Variants in PLCL1 observed in about 807,000 individuals in gnomAD.
The protein encoded by PLCL1 is inactive phospholipase C-like protein 1.
Under a neutral mutation model 84.4 loss-of-function variants are expected in PLCL1, and 41 were observed. The ratio of observed to expected loss-of-function variants is 0.49; its 90% CI spans 0.38 to 0.63. PLCL1 has a LOEUF of 0.63. Ranked by LOEUF, PLCL1 falls within the 30% of genes least tolerant of loss-of-function variation. The probability of loss-of-function intolerance (pLI) is 0.00; values close to 1 mark genes in which losing one functional copy is unlikely to be tolerated. For missense variants in PLCL1, 1,206 were observed against 1,367.8 expected (o/e 0.88, Z 1.87); for synonymous variants, 490 against 488.3 (o/e 1.00, Z -0.05).
At chr2:197,883,847 A>T (rs1372772613) in intron 1 of PLCL1, among the ~76,000 whole-genome samples, 1 of 152,178 alleles carries the variant, frequency 6.6e-6, no homozygotes, top group Non-Finnish European at 1.5e-5. Context: ...TCATGTGCAG[A>T]ACTTGTCCTA....
intron 1 of PLCL1, among the ~76,000 whole-genome samples, chr2:198,042,338 G>A (rs1459325516): frequency 2.0e-5 from 3 of 152,156 alleles, no homozygotes; most frequent in East Asian, 3.9e-4. Context: ...ATGTAAAACA[G>A]TATAAATTAT....
At chr2:197,925,328 C>T (rs1365054249) in intron 1 of PLCL1, among the ~76,000 whole-genome samples, 1 of 152,072 alleles carries the variant, frequency 6.6e-6, no homozygotes, top group Non-Finnish European at 1.5e-5. Flanking sequence ...AATCAGTTAG[C>T]TTGAATTTTG....
intron 1 of PLCL1, among the ~76,000 whole-genome samples, chr2:197,937,341 A>C (rs768466234): frequency 6.6e-6 from 1 of 152,192 alleles, no homozygotes; most frequent in Non-Finnish European, 1.5e-5. Context: ...TGGGGATTGC[A>C]TTGAATCTGT....
chr2:197,903,991 C>G (rs1480472300), intron 1 of PLCL1, among the ~76,000 whole-genome samples: 1 of 151,132 alleles, frequency 6.6e-6, no homozygotes, highest in Non-Finnish European at 1.5e-5. Context: ...TTAGTAGAGA[C>G]GGTGTTTCAC....
chr2:197,974,394 G>T (rs1386616824), intron 1 of PLCL1, among the ~76,000 whole-genome samples: 2 of 152,170 alleles, frequency 1.3e-5, no homozygotes, highest in Non-Finnish European at 2.9e-5. Flanking sequence ...TTGAGCATGT[G>T]CTACTTTCAG....
intron 1 of PLCL1, among the ~76,000 whole-genome samples, chr2:197,925,256 G>A (rs1384646860): frequency 6.6e-6 from 1 of 152,038 alleles, no homozygotes; most frequent in Non-Finnish European, 1.5e-5. Context: ...GAGTTGTGAG[G>A]GATTTGTTTA....
chr2:197,923,039 GCCC>G (rs1688744413), intron 1 of PLCL1, among the ~76,000 whole-genome samples: 1 of 112,952 alleles, frequency 8.9e-6, no homozygotes, highest in Non-Finnish European at 1.9e-5. Flanking sequence ...GGGCAGAGGC[GCCC>G]CTCACCTCCC....
chr2:198,141,143 A>G (rs1694376307), intron 5 of PLCL1, among the ~76,000 whole-genome samples: 1 of 152,300 alleles, frequency 6.6e-6, no homozygotes, highest in Admixed American at 6.5e-5. Flanking sequence ...ACGACTATTC[A>G]TCCATATTTC....
intron 1 of PLCL1, among the ~76,000 whole-genome samples, chr2:197,981,088 T>A (rs1179873971): frequency 6.6e-6 from 1 of 152,234 alleles, no homozygotes; most frequent in Non-Finnish European, 1.5e-5. Context: ...TACAGACTTT[T>A]CTTAATCACT....
chr2:197,805,242 G>C lies in PLCL1; in HGVS notation c.143G>C (p.Gly48Ala), dbSNP rs947752339. 1 of 1,269,462 alleles carries C rather than the reference G, an allele frequency of 7.9e-7. No homozygotes were observed. The highest frequency in any genetic ancestry group is 9.9e-7 in the Non-Finnish European group (1 of 1,009,370). 78.6% of individuals were successfully genotyped at this position (1,269,462 alleles called of 1,614,324 possible). A position where few individuals can be genotyped will look rare whatever the true frequency, so the allele number is the denominator to read the frequency against. ...SGGRMRDRRS[G>A]VALPGAAGTP... ...GGCCGGATGAGGGACCGTCGCAGCGGGGTCGCACTGCCAGGCGCCGCGGGG... is the reference window on the plus strand; with the variant it reads ...GGCCGGATGAGGGACCGTCGCAGCGCGGTCGCACTGCCAGGCGCCGCGGGG... The change falls in exon 1 of 6, where the codon GGG becomes GCG. Residue 48 changes from glycine to alanine, a missense_variant. By Grantham distance (60) the Gly-to-Ala change is moderately conservative (BLOSUM62 0). Transcript: ENST00000428675. This position sits in a 1 kb window ranked among gnomAD's most constrained non-coding sequence, Gnocchi z 4.0.
chr2:197,948,125 T>C (rs1689317598), intron 1 of PLCL1, among the ~76,000 whole-genome samples: 1 of 152,052 alleles, frequency 6.6e-6, no homozygotes, highest in Non-Finnish European at 1.5e-5. Context: ...AGAAACAGGA[T>C]GGTAGATGGG....
chr2:197,862,059 ATAAT>A (rs941109967), intron 1 of PLCL1, among the ~76,000 whole-genome samples: 1 of 152,298 alleles, frequency 6.6e-6, no homozygotes, highest in East Asian at 1.9e-4. Flanking sequence ...CCTTTAAGTG[ATAAT>A]TAATTGTCTC....
chr2:198,027,028 G>A (rs756396543), intron 1 of PLCL1, among the ~76,000 whole-genome samples: 1 of 152,070 alleles, frequency 6.6e-6, no homozygotes, highest in Non-Finnish European at 1.5e-5. Context: ...TATATCCAAA[G>A]GAAATTAGTA....
intron 1 of PLCL1, among the ~76,000 whole-genome samples, chr2:197,839,207 C>A (rs1189130043): frequency 2.0e-5 from 3 of 152,210 alleles, no homozygotes; most frequent in African/African-American, 7.2e-5. Flanking sequence ...CCTGTCAAAT[C>A]TGAACAGGGT....
chr2:197,812,682 C>T (rs143453993), intron 1 of PLCL1, among the ~76,000 whole-genome samples: 13 of 152,260 alleles, frequency 8.5e-5, no homozygotes, highest in African/African-American at 2.6e-4. Context: ...ATTATTTACA[C>T]GGTACAATAT....
intron 1 of PLCL1, among the ~76,000 whole-genome samples, chr2:197,837,243 CAA>C (rs1188260426): frequency 6.6e-6 from 1 of 152,050 alleles, no homozygotes; most frequent in African/African-American, 2.4e-5. Flanking sequence ...GATCTCAGGA[CAA>C]AAGACTGGCA....
chr2:197,918,971 T>TCTCA (rs373512508), intron 1 of PLCL1, among the ~76,000 whole-genome samples: 1,481 of 144,620 alleles, frequency 0.01, 23 homozygotes, highest in African/African-American at 0.021. Flanking sequence ...TCTCTCTCCC[T>TCTCA]CACACACACA....
chr2:198,005,599 A>G (rs1220025409), intron 1 of PLCL1, among the ~76,000 whole-genome samples: 1 of 152,256 alleles, frequency 6.6e-6, no homozygotes, highest in African/African-American at 2.4e-5. Flanking sequence ...GAAGGCAGAC[A>G]TTCATTAAAG....
At chr2:198,009,030 G>T (rs1321599319) in intron 1 of PLCL1, among the ~76,000 whole-genome samples, 1 of 151,776 alleles carries the variant, frequency 6.6e-6, no homozygotes, top group African/African-American at 2.4e-5. Context: ...TAAGTTCTTT[G>T]CCTATTTTAG....
Sources: gnomAD v4.1 joint callset for allele counts (sites outside exome capture counted in the v4.1 genomes callset) on GRCh38, gnomAD v4.1.1 for gene constraint, Gnocchi (gnomAD v3.1) non-coding constraint, MANE v1.5 for transcripts, NCBI Gene and HGNC (gene_info 2026-07-23, HGNC 2026-07-21) for gene names.